Variants in TMPRSS7 observed in about 807,000 individuals in gnomAD.
The protein encoded by TMPRSS7 is transmembrane serine protease 7, also known as transmembrane protease serine 7.
TMPRSS7 carries 81 observed loss-of-function variants against 95.6 expected under a neutral mutation model. That is an observed-to-expected ratio of 0.85 (90% CI 0.71 to 1.02). TMPRSS7 has a LOEUF of 1.02. Among genes scored for constraint, TMPRSS7 ranks in the 50% least tolerant of loss-of-function variants. TMPRSS7 has a pLI of 0.00. For missense variants in TMPRSS7, 945 were observed against 955.2 expected, an observed-to-expected ratio of 0.99 and a Z score of 0.14; for synonymous variants, 364 against 337.8, an observed-to-expected ratio of 1.08 and a Z score of -0.85.
At chr3:112,039,875 C>T (rs1377880927) in intron 2 of TMPRSS7, 1 of 152,216 alleles carries the variant, frequency 6.6e-6, no homozygotes, top group East Asian at 1.9e-4. Context: ...GGACCTACTA[C>T]TTCTGATTGG....
exon 16 of TMPRSS7, chr3:112,076,986 A>C (rs1426772480): frequency 6.2e-7 from 1 of 1,614,216 alleles, no homozygotes; most frequent in South Asian, 1.1e-5. Flanking sequence ...TATAACAGTC[A>C]GACTTTTGAT....
At chr3:112,053,235 C>T (rs10934132) in intron 9 of TMPRSS7, among the ~76,000 whole-genome samples, 38,743 of 150,770 alleles carry the variant, frequency 0.26, 5,031 homozygotes, top group Middle Eastern at 0.29. Flanking sequence ...CTCGTTATGA[C>T]AAAAGTTTTT....
At chr3:112,074,308 A>G in exon 14 of TMPRSS7, 2 of 1,613,514 alleles carry the variant, frequency 1.2e-6, no homozygotes, top group South Asian at 2.2e-5. Flanking sequence ...ATTCCATGCA[A>G]CAACAGAACT....
intron 9 of TMPRSS7, among the ~76,000 whole-genome samples, chr3:112,054,474 A>G (rs2073405102): frequency 6.6e-6 from 1 of 152,172 alleles, no homozygotes; most frequent in Non-Finnish European, 1.5e-5. Context: ...CTTTTGGCCA[A>G]TCTGTATACA....
At chr3:112,071,641 A>T (rs1322814167) in intron 13 of TMPRSS7, among the ~76,000 whole-genome samples, 2 of 152,062 alleles carry the variant, frequency 1.3e-5, no homozygotes, top group Non-Finnish European at 2.9e-5. Context: ...GACCTTGTTC[A>T]TTTCTTTTTA....
At chr3:112,064,974 T>C (rs1055835315) in intron 12 of TMPRSS7, among the ~76,000 whole-genome samples, 6 of 152,308 alleles carry the variant, frequency 3.9e-5, no homozygotes, top group Non-Finnish European at 8.8e-5. Context: ...CTTGGAAAAA[T>C]ATAGTTAATA....
intron 2 of TMPRSS7, among the ~76,000 whole-genome samples, chr3:112,040,387 A>G (rs1011319742): frequency 6.6e-6 from 1 of 152,144 alleles, no homozygotes; most frequent in African/African-American, 2.4e-5. Context: ...AAGACATCCA[A>G]ATTGCCCAGG....
exon 11 of TMPRSS7, chr3:112,061,879 A>G (rs1393682669): frequency 1.2e-6 from 2 of 1,611,900 alleles, no homozygotes; most frequent in Non-Finnish European, 1.7e-6. Context: ...AGGCTTTCAG[A>G]CAAGCCACTT....
chr3:112,078,450 G>A (rs1413668617), intron 16 of TMPRSS7, among the ~76,000 whole-genome samples: 5 of 152,106 alleles, frequency 3.3e-5, no homozygotes, highest in Non-Finnish European at 7.3e-5. Context: ...ACCATCCTAC[G>A]GAAAACAGGA....
chr3:112,037,578 C>T (rs2073158884), intron 1 of TMPRSS7, among the ~76,000 whole-genome samples: 1 of 152,112 alleles, frequency 6.6e-6, no homozygotes, highest in Non-Finnish European at 1.5e-5. Context: ...ATTTTATTGC[C>T]TTTGAAGCAC....
chr3:112,075,398 G>T, exon 15 of TMPRSS7: 1 of 1,540,624 alleles, frequency 6.5e-7, no homozygotes, highest in Admixed American at 1.9e-5. Flanking sequence ...GCCGTGGCAG[G>T]TCAGCCTCCA....
At chr3:112,080,568 CTATT>C (rs764794074) in intron 17 of TMPRSS7, among the ~76,000 whole-genome samples, 930 of 62,528 alleles carry the variant, frequency 0.015, 6 homozygotes, top group Non-Finnish European at 0.023. Flanking sequence ...ACTACTACTA[CTATT>C]ACCACCACCA....
At position 112,051,641 on chromosome 3, in the gene TMPRSS7, TATCTATCTATCTATCTATCTATCTATC is replaced by T. The variant is rs1435256915; in HGVS notation, c.1203+886_1203+912del. Among the ~76,000 whole-genome samples the T allele has an allele frequency of 4.1e-3, 421 of 102,880 alleles. 1 individual carries two copies. The highest frequency in any genetic ancestry group is 0.014 in the African/African-American group (407 of 30,014). The allele number at this position is 102,880 out of a possible 152,430, so 67.5% of individuals were successfully genotyped here. ...TATCTCTATCATCTATCTATCTATC[TATCTATCTATCTATCTATCTATCTATC>T]ATCTATCTATCTATCTATCTATCTA... is the stretch of plus-strand genomic sequence containing the variant. On this transcript the variant is annotated intron_variant, in intron 9 of 17. Transcript: ENST00000452346.
At chr3:112,053,670 T>C (rs1559956606) in intron 9 of TMPRSS7, among the ~76,000 whole-genome samples, 1 of 152,210 alleles carries the variant, frequency 6.6e-6, no homozygotes. Flanking sequence ...ACAGAAGACA[T>C]ATTCTTAGCA....
intron 5 of TMPRSS7, among the ~76,000 whole-genome samples, chr3:112,046,769 G>A (rs920154206): frequency 1.3e-5 from 2 of 152,180 alleles, no homozygotes; most frequent in African/African-American, 4.8e-5. Context: ...ACTCAACCTC[G>A]ACAACTACCA....
At chr3:112,051,645 T>TATC (rs1553763358) in intron 9 of TMPRSS7, among the ~76,000 whole-genome samples, 17 of 88,634 alleles carry the variant, frequency 1.9e-4, no homozygotes, top group South Asian at 4.2e-4. Flanking sequence ...TCTATCTATC[T>TATC]ATCTATCTAT....
At chr3:112,075,390 C>T (rs1350498522) in exon 15 of TMPRSS7, 9 of 1,527,724 alleles carry the variant, frequency 5.9e-6, no homozygotes, top group Non-Finnish European at 7.1e-6. Flanking sequence ...GGGGGTTGGC[C>T]GTGGCAGGTC....
At chr3:112,046,122 A>G (rs745528613) in intron 5 of TMPRSS7, among the ~76,000 whole-genome samples, 179 bp downstream of exon 5, 9 of 152,232 alleles carry the variant, frequency 5.9e-5, no homozygotes, top group South Asian at 2.1e-4. Context: ...TAAATGTTGT[A>G]TATTGCAATT....
chr3:112,054,679 A>G (rs2073408221), intron 9 of TMPRSS7, among the ~76,000 whole-genome samples: 1 of 144,930 alleles, frequency 6.9e-6, no homozygotes. Flanking sequence ...ATGTTCTTAC[A>G]TTATAAGATT....
Sources: gnomAD v4.1 joint callset for allele counts (sites outside exome capture counted in the v4.1 genomes callset) on GRCh38, gnomAD v4.1.1 for gene constraint, MANE v1.5 for transcripts, NCBI Gene and HGNC (gene_info 2026-07-23, HGNC 2026-07-21) for gene names.